The following GULP1 variants were observed in gnomAD, a reference collection of about 807,000 sequenced individuals.
GULP1 encodes the protein PTB domain-containing engulfment adapter protein 1.
A neutral mutation model predicts 40.9 loss-of-function variants in GULP1; 19 were observed. The ratio of observed to expected loss-of-function variants is 0.46; its 90% CI spans 0.32 to 0.68. GULP1 has a LOEUF of 0.68. Ranked by LOEUF, GULP1 falls within the 30% of genes least tolerant of loss-of-function variation. The pLI, the probability that GULP1 is intolerant of heterozygous loss-of-function variation, is 0.03. For missense variants in GULP1, 312 were observed against 362.2 expected, an observed-to-expected ratio of 0.86 and a Z score of 1.12; for synonymous variants, 119 against 117.6, an observed-to-expected ratio of 1.01 and a Z score of -0.08.
At chr2:188,338,151 G>A (rs957704335) in intron 1 of GULP1, among the ~76,000 whole-genome samples, 2 of 151,772 alleles carry the variant, frequency 1.3e-5, no homozygotes, top group African/African-American at 4.8e-5. Flanking sequence ...ATCTTACTAG[G>A]CTCCTCAATA....
intron 4 of GULP1, among the ~76,000 whole-genome samples, chr2:188,508,147 G>T (rs899662765): frequency 1.3e-5 from 2 of 151,788 alleles, no homozygotes; most frequent in Non-Finnish European, 2.9e-5. Context: ...TTTTTTAAAA[G>T]GCCAAGGAAA....
chr2:188,493,723 C>G (rs576709704), intron 4 of GULP1, among the ~76,000 whole-genome samples: 206 of 152,074 alleles, frequency 1.4e-3, no homozygotes, highest in Admixed American at 2.4e-3. Context: ...TTTCCGGTGA[C>G]ACTAACTCAA....
At chr2:188,566,130 G>A (rs936479860) in intron 7 of GULP1, among the ~76,000 whole-genome samples, 1 of 152,044 alleles carries the variant, frequency 6.6e-6, no homozygotes, top group Non-Finnish European at 1.5e-5. Context: ...ATCATGATCT[G>A]TGCATTTCAT....
intron 1 of GULP1, among the ~76,000 whole-genome samples, chr2:188,319,911 A>G (rs2039715193): frequency 6.6e-6 from 1 of 151,914 alleles, no homozygotes; most frequent in Non-Finnish European, 1.5e-5. Flanking sequence ...TGATGGTGAT[A>G]AGTTTAGTAT....
intron 2 of GULP1, among the ~76,000 whole-genome samples, chr2:188,400,248 A>G (rs997874411): frequency 3.9e-5 from 6 of 152,036 alleles, no homozygotes; most frequent in East Asian, 1.9e-4. Flanking sequence ...GTTTCTCTAT[A>G]TTCTTTCCTC....
chr2:188,553,649 G>T (rs936865599), intron 7 of GULP1, among the ~76,000 whole-genome samples: 24 of 151,990 alleles, frequency 1.6e-4, no homozygotes, highest in African/African-American at 5.5e-4. Context: ...ATCTGGTTTT[G>T]TTATCAAGGT....
intron 1 of GULP1, among the ~76,000 whole-genome samples, chr2:188,306,415 A>G (rs2037102926): frequency 6.6e-6 from 1 of 152,152 alleles, no homozygotes; most frequent in Non-Finnish European, 1.5e-5. Context: ...TTTCTTTGGT[A>G]AGTTAAACTG....
Position 188,519,968 on chromosome 2 carries a change from C to T in GULP1, c.91-2788C>T, listed in dbSNP as rs768609526. 3.0e-4 allele frequency among the ~76,000 whole-genome samples: 45 copies of T among 152,264 alleles called. 1 individual carries two copies. Among genetic ancestry groups the T allele is most frequent in the Admixed American group, 5.9e-4 (9 of 15,288 alleles). On this transcript the variant is annotated intron_variant, in intron 4 of 11. Transcript: ENST00000409830. ...TCGTAACCACTGCACCTGGCTAAAACGCCCCTATGATTCTGTCATTCAATC... is the reference window on the plus strand; with the variant it reads ...TCGTAACCACTGCACCTGGCTAAAATGCCCCTATGATTCTGTCATTCAATC...
At position 188,453,562 on chromosome 2, in the gene GULP1, G is replaced by A. The variant is rs549122416; in HGVS notation, c.-44-24097G>A. Among the ~76,000 whole-genome samples, 8 of 152,190 alleles carry A rather than the reference G, an allele frequency of 5.3e-5. No individual in the cohort carries two copies. The East Asian group carries it at 7.7e-4, about 15-fold the overall frequency. ...AGCATAAACATTTATCACAAATATC[G>A]GAGTACATGGGGACTCTGAGTTTTC... On this transcript the variant is annotated intron_variant, in intron 2 of 11. Coordinates refer to ENST00000409830, the MANE Select transcript of GULP1 (RefSeq NM_016315.4).
intron 2 of GULP1, among the ~76,000 whole-genome samples, chr2:188,441,335 T>C (rs1184999523): frequency 6.6e-6 from 1 of 152,170 alleles, no homozygotes; most frequent in Non-Finnish European, 1.5e-5. Context: ...GTTGACAAAA[T>C]AAATGTTTAT....
At chr2:188,305,651 A>G (rs952884918) in intron 1 of GULP1, among the ~76,000 whole-genome samples, 4 of 152,232 alleles carry the variant, frequency 2.6e-5, no homozygotes, top group Non-Finnish European at 4.4e-5. Flanking sequence ...AAAACAATAT[A>G]TAATTATCGT....
chr2:188,499,109 A>G (rs1054949393), intron 4 of GULP1, among the ~76,000 whole-genome samples: 1 of 140,212 alleles, frequency 7.1e-6, no homozygotes, highest in African/African-American at 2.6e-5. Context: ...ATATATATAC[A>G]TATACAAATG....
intron 1 of GULP1, among the ~76,000 whole-genome samples, chr2:188,295,749 G>A (rs1413202554): frequency 6.6e-6 from 1 of 152,032 alleles, no homozygotes; most frequent in Non-Finnish European, 1.5e-5. Context: ...TAGTGAATCT[G>A]TAAAAAGCAC....
intron 4 of GULP1, among the ~76,000 whole-genome samples, chr2:188,513,883 A>G (rs1002138602): frequency 1.3e-5 from 2 of 151,938 alleles, no homozygotes; most frequent in Non-Finnish European, 2.9e-5. Flanking sequence ...AAGGTTGATG[A>G]GAAAAAAAAT....
At chr2:188,310,798 C>G (rs1217118319) in intron 1 of GULP1, among the ~76,000 whole-genome samples, 1 of 152,098 alleles carries the variant, frequency 6.6e-6, no homozygotes, top group Admixed American at 6.6e-5. Flanking sequence ...AGAAGAAAAT[C>G]TGAACCCATA....
intron 1 of GULP1, among the ~76,000 whole-genome samples, chr2:188,327,089 A>G (rs1257212675): frequency 6.6e-6 from 1 of 152,168 alleles, no homozygotes. Context: ...GCCAGTTAGC[A>G]AATAGCCTGG....
chr2:188,373,565 A>T (rs2047899434), intron 1 of GULP1, among the ~76,000 whole-genome samples: 1 of 151,878 alleles, frequency 6.6e-6, no homozygotes, highest in South Asian at 2.1e-4. Context: ...TTTTTTTGAC[A>T]GGCCACTGAG....
chr2:188,442,664 A>G (rs1022966061), intron 2 of GULP1, among the ~76,000 whole-genome samples: 10 of 152,216 alleles, frequency 6.6e-5, no homozygotes, highest in Non-Finnish European at 1.2e-4. Flanking sequence ...AGACAAATTT[A>G]TCCAACTCTG....
chr2:188,558,750 GA>G (rs1308735857), intron 7 of GULP1, among the ~76,000 whole-genome samples: 1 of 152,176 alleles, frequency 6.6e-6, no homozygotes, highest in East Asian at 1.9e-4. Context: ...TGGAGATGAG[GA>G]ACTTATTGGG....
Sources: gnomAD v4.1 joint callset for allele counts (sites outside exome capture counted in the v4.1 genomes callset) on GRCh38, gnomAD v4.1.1 for gene constraint, MANE v1.5 for transcripts, NCBI Gene and HGNC (gene_info 2026-07-23, HGNC 2026-07-21) for gene names.